MSRB3: variants seen among roughly 807,000 people sequenced by gnomAD.
The protein encoded by MSRB3 is methionine sulfoxide reductase B3.
MSRB3 carries 13 observed loss-of-function variants against 21.0 expected under a neutral mutation model. The ratio of observed to expected loss-of-function variants is 0.62; its 90% CI spans 0.40 to 0.98. The LOEUF (loss-of-function observed/expected upper bound fraction) is 0.98, where lower values mean the gene tolerates loss of function less well. MSRB3 is among the 50% of genes least tolerant of loss of function. The pLI is 0.00. For missense variants in MSRB3, 199 were observed against 230.3 expected, an observed-to-expected ratio of 0.86 and a Z score of 0.88; for synonymous variants, 87 against 88.6, an observed-to-expected ratio of 0.98 and a Z score of 0.10.
intron 5 of MSRB3, among the ~76,000 whole-genome samples, chr12:65,369,514 G>T (rs1190921479): frequency 6.6e-6 from 1 of 151,966 alleles, no homozygotes; most frequent in South Asian, 2.1e-4. Flanking sequence ...GAAAATGAAG[G>T]TCACCTTAAG....
intron 6 of MSRB3, among the ~76,000 whole-genome samples, chr12:65,462,876 T>A (rs1025207421): frequency 2.6e-5 from 4 of 152,210 alleles, no homozygotes; most frequent in Admixed American, 1.3e-4. Flanking sequence ...ATTACTGCAG[T>A]CATTTTTCAG....
chr12:65,398,889 T>A (rs1879960633), intron 5 of MSRB3, among the ~76,000 whole-genome samples: 1 of 152,192 alleles, frequency 6.6e-6, no homozygotes, highest in Non-Finnish European at 1.5e-5. Context: ...CTTGTTTTTG[T>A]CAGGTTTGTC....
chr12:65,355,252 T>G (rs17101291), intron 4 of MSRB3, among the ~76,000 whole-genome samples: 5,850 of 151,920 alleles, frequency 0.039, 226 homozygotes, highest in South Asian at 0.091. Context: ...TCTTAGCTTG[T>G]GTATTAGTGT....
Position 65,422,420 on chromosome 12 carries a change from ATATATATATATT to A in MSRB3, c.293-31304_293-31293del, listed in dbSNP as rs1356547774. Among the ~76,000 whole-genome samples the A allele has an allele frequency of 4.0e-3, 304 of 75,934 alleles. 3 individuals are homozygous for A. Among genetic ancestry groups the A allele is most frequent in the East Asian group, 0.026 (70 of 2,654 alleles). 49.8% of individuals were successfully genotyped at this position (75,934 alleles called of 152,430 possible). ...TATATATATATATATATATATATAT[ATATATATATATT>A]TATTTATTTATTTATGGGGTATATG... On this transcript the variant is annotated intron_variant, in intron 5 of 6. Transcript: ENST00000308259.
In MSRB3 at chr12:65,357,543, C is replaced by G. The variant is rs528192683; in HGVS notation, c.264-11455C>G. 7.7e-3 allele frequency among the ~76,000 whole-genome samples: 1,174 copies of G among 151,934 alleles called. 15 individuals are homozygous for G. Among genetic ancestry groups the G allele is most frequent in the African/African-American group, 0.027 (1,138 of 41,486 alleles). Reference sequence around the variant, plus strand: ...TTGGTACGTAATTATTAACTAAAGCCCATTTTTTTCATACTTTCTTAGTTT... The same window carrying G: ...TTGGTACGTAATTATTAACTAAAGCGCATTTTTTTCATACTTTCTTAGTTT... On this transcript the variant is annotated intron_variant, in intron 4 of 6. Coordinates refer to ENST00000308259, the MANE Select transcript of MSRB3 (RefSeq NM_001031679.3).
At chr12:65,352,551 A>G (rs1356137753) in intron 4 of MSRB3, among the ~76,000 whole-genome samples, 1 of 151,950 alleles carries the variant, frequency 6.6e-6, no homozygotes, top group Non-Finnish European at 1.5e-5. Flanking sequence ...ACATGATTGT[A>G]TATCTAGAAA....
At chr12:65,387,922 G>C (rs547172869) in intron 5 of MSRB3, among the ~76,000 whole-genome samples, 10 of 152,008 alleles carry the variant, frequency 6.6e-5, no homozygotes, top group South Asian at 6.2e-4. Context: ...TTTACTTAGG[G>C]TTTATACTAA....
intron 5 of MSRB3, among the ~76,000 whole-genome samples, chr12:65,422,856 T>C (rs1881391999): frequency 6.6e-6 from 1 of 152,072 alleles, no homozygotes; most frequent in East Asian, 1.9e-4. Context: ...TGGTTCATTA[T>C]TAGTGTATAG....
chr12:65,447,121 A>G (rs1047709098), intron 5 of MSRB3, among the ~76,000 whole-genome samples: 1 of 152,206 alleles, frequency 6.6e-6, no homozygotes, highest in African/African-American at 2.4e-5. Flanking sequence ...AGCCTTGTCC[A>G]TCAGCAAGTG....
intron 1 of MSRB3, among the ~76,000 whole-genome samples, chr12:65,303,062 G>T (rs1467427266): frequency 6.6e-6 from 1 of 151,910 alleles, no homozygotes; most frequent in African/African-American, 2.4e-5. Flanking sequence ...AAAACTGTTG[G>T]CTCCTACAGT....
At chr12:65,375,477 G>T (rs1296207749) in intron 5 of MSRB3, among the ~76,000 whole-genome samples, 20 of 151,888 alleles carry the variant, frequency 1.3e-4, no homozygotes, top group Admixed American at 1.1e-3. Flanking sequence ...GGTCTCTATT[G>T]CCCAGGCTGG....
At chr12:65,353,922 TG>T (rs1877211512) in intron 4 of MSRB3, among the ~76,000 whole-genome samples, 1 of 151,996 alleles carries the variant, frequency 6.6e-6, no homozygotes, top group East Asian at 1.9e-4. Context: ...GCAGGCCTGG[TG>T]GTGACAAAAT....
rs879807841 is a variant in MSRB3 at position 65,350,195 on chromosome 12, G to C, written c.264-18803G>C. ...CTTTCCCCATTGCTTGTTTTTCTCA[G>C]GTTTGTCAAAGATCAGATAGTTGTA... On this transcript the variant is annotated intron_variant, in intron 4 of 6. Coordinates refer to ENST00000308259, the MANE Select transcript of MSRB3 (RefSeq NM_001031679.3). Among the ~76,000 whole-genome samples, 499 of 151,516 alleles carry C rather than the reference G, an allele frequency of 3.3e-3. 3 individuals carry two copies. The highest frequency in any genetic ancestry group is 5.3e-3 in the Non-Finnish European group (362 of 67,808).
At chr12:65,427,635 A>G (rs908274523) in intron 5 of MSRB3, among the ~76,000 whole-genome samples, 1 of 152,166 alleles carries the variant, frequency 6.6e-6, no homozygotes, top group Admixed American at 6.5e-5. Context: ...AAAAGGAAGG[A>G]ATATGGCTCT....
intron 1 of MSRB3, among the ~76,000 whole-genome samples, chr12:65,293,633 C>G (rs897716505): frequency 3.3e-5 from 5 of 152,212 alleles, no homozygotes; most frequent in Non-Finnish European, 7.3e-5. Flanking sequence ...GCCCCACAAG[C>G]TACAGTACAT....
intron 5 of MSRB3, among the ~76,000 whole-genome samples, chr12:65,442,764 A>AT (rs1486738693): frequency 7.2e-5 from 11 of 152,176 alleles, no homozygotes; most frequent in Admixed American, 5.2e-4. Flanking sequence ...TTTGAGAGAC[A>AT]TTTTTTAATG....
At chr12:65,357,158 C>T (rs369506500) in intron 4 of MSRB3, among the ~76,000 whole-genome samples, 5 of 151,748 alleles carry the variant, frequency 3.3e-5, no homozygotes, top group Admixed American at 1.3e-4. Flanking sequence ...ACCCAGTTAC[C>T]GGAGCAAAAA....
intron 1 of MSRB3, among the ~76,000 whole-genome samples, chr12:65,288,986 T>TA (rs745931506): frequency 1.3e-5 from 2 of 152,176 alleles, no homozygotes; most frequent in East Asian, 1.9e-4. Context: ...AAGAATATTT[T>TA]AAAAAAATCT....
intron 4 of MSRB3, among the ~76,000 whole-genome samples, chr12:65,352,335 T>G (rs903299384): frequency 1.3e-5 from 2 of 151,214 alleles, no homozygotes; most frequent in African/African-American, 4.9e-5. Flanking sequence ...GAGCTATCTA[T>G]GAGAAACCCA....
Sources: allele counts gnomAD v4.1 joint callset (sites outside exome capture counted in the v4.1 genomes callset), GRCh38; gene constraint gnomAD v4.1.1; transcripts MANE v1.5; gene names NCBI Gene and HGNC (gene_info 2026-07-23, HGNC 2026-07-21).